The following VAV3 variants were observed in gnomAD, a reference collection of about 807,000 sequenced individuals.
VAV3 encodes vav guanine nucleotide exchange factor 3.
Under a neutral mutation model 131.2 loss-of-function variants are expected in VAV3, and 94 were observed. That is an observed-to-expected ratio of 0.72 (90% CI 0.61 to 0.85). The LOEUF (loss-of-function observed/expected upper bound fraction) is 0.85. Among genes scored for constraint, VAV3 ranks in the 40% least tolerant of loss-of-function variants. VAV3 has a pLI of 0.00. For missense variants in VAV3, 939 were observed against 1,002.7 expected (o/e 0.94, Z 0.86); for synonymous variants, 349 against 342.0 (o/e 1.02, Z -0.22).
At chr1:107,577,458 A>G (rs1649737714) in intron 25 of VAV3, among the ~76,000 whole-genome samples, 1 of 152,310 alleles carries the variant, frequency 6.6e-6, no homozygotes, top group South Asian at 2.1e-4. Flanking sequence ...GTCTTAGATT[A>G]TGCATTGGGC....
At chr1:107,808,980 T>C (rs374148733) in intron 2 of VAV3, among the ~76,000 whole-genome samples, 158 of 152,256 alleles carry the variant, frequency 1.0e-3, no homozygotes, top group African/African-American at 1.4e-3. Context: ...GATGAAGGCA[T>C]TTTTTATAAC....
chr1:107,904,753 T>C (rs1272734403), intron 1 of VAV3, among the ~76,000 whole-genome samples: 1 of 152,192 alleles, frequency 6.6e-6, no homozygotes, highest in Non-Finnish European at 1.5e-5. Flanking sequence ...AAGAAAAATT[T>C]CTCTACCATC....
chr1:107,936,056 CGTAG>C (rs1258946566), intron 1 of VAV3, among the ~76,000 whole-genome samples: 1 of 151,922 alleles, frequency 6.6e-6, no homozygotes, highest in Non-Finnish European at 1.5e-5. Context: ...GAAAAGTAAA[CGTAG>C]GACATTATTA....
At chr1:107,687,451 G>A (rs1020289785) in intron 18 of VAV3, among the ~76,000 whole-genome samples, 3 of 151,858 alleles carry the variant, frequency 2.0e-5, no homozygotes, top group African/African-American at 7.3e-5. Context: ...AATTTTCATC[G>A]TTACTTTGAA....
chr1:107,801,602 T>C (rs139158361), intron 2 of VAV3, among the ~76,000 whole-genome samples: 64 of 152,200 alleles, frequency 4.2e-4, no homozygotes, highest in East Asian at 3.7e-3. Context: ...TCATAGACTA[T>C]TGAGTGTTCA....
At chr1:107,810,074 A>G (rs1356693786) in intron 2 of VAV3, among the ~76,000 whole-genome samples, 1 of 152,226 alleles carries the variant, frequency 6.6e-6, no homozygotes, top group Non-Finnish European at 1.5e-5. Context: ...TTTAACAAAC[A>G]ATTTTCAACA....
intron 20 of VAV3, among the ~76,000 whole-genome samples, chr1:107,637,582 C>T (rs1410872747): frequency 3.9e-5 from 6 of 152,224 alleles, no homozygotes; most frequent in East Asian, 1.9e-4. Flanking sequence ...GTGATCCCGC[C>T]GCTGCACTCC....
intron 1 of VAV3, among the ~76,000 whole-genome samples, chr1:107,896,240 A>G (rs547858330): frequency 6.6e-6 from 1 of 152,320 alleles, no homozygotes; most frequent in South Asian, 2.1e-4. Context: ...AAAAGAAATC[A>G]ATTGATAAAG....
At chr1:107,590,649 T>C (rs1255535242) in intron 25 of VAV3, among the ~76,000 whole-genome samples, 2 of 152,200 alleles carry the variant, frequency 1.3e-5, no homozygotes, top group African/African-American at 2.4e-5. Context: ...ATCTGTTCTA[T>C]CTCTTCTGTT....
chr1:107,726,222 C>G (rs895610739), intron 15 of VAV3, among the ~76,000 whole-genome samples: 3 of 152,122 alleles, frequency 2.0e-5, no homozygotes, highest in African/African-American at 7.2e-5. Flanking sequence ...AATACACATA[C>G]AGATAAATCA....
intron 1 of VAV3, among the ~76,000 whole-genome samples, chr1:107,913,664 A>G (rs998506895): frequency 3.3e-5 from 5 of 152,248 alleles, no homozygotes; most frequent in African/African-American, 9.6e-5. Flanking sequence ...TAATATTTGC[A>G]TTCTCCAGCC....
At chr1:107,636,904 A>G (rs965996083) in intron 20 of VAV3, among the ~76,000 whole-genome samples, 1 of 152,180 alleles carries the variant, frequency 6.6e-6, no homozygotes, top group African/African-American at 2.4e-5. Context: ...AAGTACACAA[A>G]TCAGTGAGCA....
At chr1:107,798,660 A>C (rs975197037) in intron 2 of VAV3, among the ~76,000 whole-genome samples, 2 of 140,884 alleles carry the variant, frequency 1.4e-5, no homozygotes, top group African/African-American at 2.7e-5. Context: ...CGGAGGTTGC[A>C]GTGAGCCGAG....
At chr1:107,839,138 G>A (rs1418136858) in intron 2 of VAV3, among the ~76,000 whole-genome samples, 1 of 152,132 alleles carries the variant, frequency 6.6e-6, no homozygotes, top group Admixed American at 6.5e-5. Context: ...GAATACTGTA[G>A]TAGTCAAATG....
chr1:107,721,440 A>G (rs1661493006), intron 15 of VAV3, among the ~76,000 whole-genome samples: 1 of 152,174 alleles, frequency 6.6e-6, no homozygotes, highest in African/African-American at 2.4e-5. Flanking sequence ...AATGGATGAA[A>G]AGCACTGAGA....
At chr1:107,945,798 A>C (rs1304274559) in intron 1 of VAV3, among the ~76,000 whole-genome samples, 1 of 139,538 alleles carries the variant, frequency 7.2e-6, no homozygotes, top group Non-Finnish European at 1.5e-5. Flanking sequence ...CTCCAGCTTG[A>C]GCGACAAGAG....
chr1:107,748,318 A>G (rs1488502308), intron 15 of VAV3, among the ~76,000 whole-genome samples: 1 of 152,162 alleles, frequency 6.6e-6, no homozygotes, highest in Non-Finnish European at 1.5e-5. Flanking sequence ...AAACATCAAA[A>G]CTAAAAAGAA....
chr1:107,608,917 T>C lies in VAV3; in HGVS notation c.2015+1014A>G, dbSNP rs185904885. On this transcript the variant is annotated intron_variant, in intron 22 of 26. Coordinates refer to ENST00000370056, the MANE Select transcript of VAV3 (RefSeq NM_006113.5). ...TATTTTAATACCAATAAATTAAAAA[T>C]AGATTCAGTCTTTTTAAGAGAAGTC... 1.1e-3 allele frequency among the ~76,000 whole-genome samples: 161 copies of C among 152,318 alleles called. 5 individuals are homozygous for C. The Middle Eastern group carries it at 0.017, about 16-fold the overall frequency.
At chr1:107,949,557 T>C (rs922011191) in intron 1 of VAV3, among the ~76,000 whole-genome samples, 2 of 152,182 alleles carry the variant, frequency 1.3e-5, no homozygotes, top group East Asian at 3.9e-4. Flanking sequence ...TCCTCCCACC[T>C]TAGCCTCCCA....
Sources: gnomAD v4.1 joint callset for allele counts (sites outside exome capture counted in the v4.1 genomes callset) on GRCh38, gnomAD v4.1.1 for gene constraint, MANE v1.5 for transcripts, NCBI Gene and HGNC (gene_info 2026-07-23, HGNC 2026-07-21) for gene names.